Variants in KCNQ2 observed in about 807,000 individuals in gnomAD.
KCNQ2 encodes the protein potassium voltage-gated channel subfamily KQT member 2.
In KCNQ2, 14 loss-of-function variants were observed where a neutral mutation model predicts 84.8. The ratio of observed to expected loss-of-function variants is 0.17; its 90% CI spans 0.11 to 0.26. KCNQ2 has a LOEUF of 0.26. Ranked by LOEUF, KCNQ2 falls within the 10% of genes least tolerant of loss-of-function variation. KCNQ2 has a pLI of 1.00. For missense variants in KCNQ2, 788 were observed against 1,254.0 expected, an observed-to-expected ratio of 0.63 and a Z score of 5.61; for synonymous variants, 599 against 554.1, an observed-to-expected ratio of 1.08 and a Z score of -1.14.
chr20:63,466,537 C>T (rs1000026442), intron 1 of KCNQ2: 1 of 152,288 alleles, frequency 6.6e-6, no homozygotes, highest in African/African-American at 2.4e-5. Flanking sequence ...AGGCCTTCCA[C>T]TCTGCTGAAG....
intron 10 of KCNQ2, among the ~76,000 whole-genome samples, chr20:63,428,007 C>A (rs1418106350): frequency 6.6e-6 from 1 of 152,222 alleles, no homozygotes; most frequent in Non-Finnish European, 1.5e-5. Flanking sequence ...AGGCAGCAGG[C>A]GCCATCAGCA....
chr20:63,406,003 T>C lies in KCNQ2; in HGVS notation c.*641A>G, dbSNP rs2145477341. The stretch of plus-strand genomic sequence containing the variant: ...CAGGCGAAGGTCTCCACCTCGGGGC[T>C]GGCTTCCATGGAAAGAGCCCTCAGA... On this transcript the variant is annotated 3_prime_UTR_variant, in exon 17 of 17. Transcript: ENST00000359125. 1 of 152,370 alleles carries C rather than the reference T, an allele frequency of 6.6e-6. No homozygotes were observed. The highest frequency in any genetic ancestry group is 2.1e-4 in the South Asian group (1 of 4,828). The allele number at this position is 152,370 out of a possible 1,614,324, so 9.4% of individuals were successfully genotyped here.
intron 9 of KCNQ2, 136 bp downstream of exon 9, chr20:63,431,204 T>G: frequency 9.8e-7 from 1 of 1,024,670 alleles, no homozygotes; most frequent in Non-Finnish European, 1.5e-6. Flanking sequence ...GGCATAGGGA[T>G]GCTCGGTGGG....
chr20:63,414,814 G>C lies in KCNQ2; in HGVS notation c.1525+89C>G. 2 of 1,299,688 alleles carry C rather than the reference G, an allele frequency of 1.5e-6. No homozygotes were observed. Among genetic ancestry groups the C allele is most frequent in the East Asian group, 2.3e-5 (1 of 43,320 alleles). 80.5% of individuals were successfully genotyped at this position (1,299,688 alleles called of 1,614,324 possible). On this transcript the variant is annotated intron_variant, in intron 13 of 16. Transcript: ENST00000359125. The surrounding 1 kb of genome is among the most constrained non-coding windows in gnomAD (Gnocchi z 6.6). ...CCCACTCCAAGAGCAAGCAAAAGCA[G>C]CTGCGACGCCACAGGGTGGCCACAG...
In KCNQ2 at chr20:63,472,530, C is replaced by T. The variant is rs1228942777; in HGVS notation, c.-67G>A. 14 of 1,304,306 alleles carry T rather than the reference C, an allele frequency of 1.1e-5. No homozygotes were observed. Among genetic ancestry groups the T allele is most frequent in the Non-Finnish European group, 1.3e-5 (13 of 1,027,170 alleles). The allele number at this position is 1,304,306 out of a possible 1,614,324, so 80.8% of individuals were successfully genotyped here. On this transcript the variant is annotated 5_prime_UTR_variant, in exon 1 of 17. Transcript: ENST00000359125. ...CGGGGGCGGAGCGCGGGGGGCGGCGCGGGCCCCAGCCCAGGCCCCCCGGCC... is the reference window on the plus strand; with the variant it reads ...CGGGGGCGGAGCGCGGGGGGCGGCGTGGGCCCCAGCCCAGGCCCCCCGGCC...
At chr20:63,411,731 C>A in intron 15 of KCNQ2, 1 of 581,270 alleles carries the variant, frequency 1.7e-6, no homozygotes, top group South Asian at 2.1e-5. Context: ...AGCGAAGGGG[C>A]CGGCCATTCC....
chr20:63,442,860 C>G (rs1408607394), intron 4 of KCNQ2, among the ~76,000 whole-genome samples: 1 of 66,986 alleles, frequency 1.5e-5, no homozygotes, highest in Non-Finnish European at 3.1e-5. Flanking sequence ...ATCACCACCA[C>G]CATCACCATC....
chr20:63,437,798 G>A (rs770241958), intron 7 of KCNQ2, among the ~76,000 whole-genome samples: 4 of 152,136 alleles, frequency 2.6e-5, no homozygotes, highest in Admixed American at 6.5e-5. Flanking sequence ...AGGGGGTCCT[G>A]CTGTCTGTCC....
At position 63,472,485 on chromosome 20, in the gene KCNQ2, C is replaced by T. The variant is rs749900313; in HGVS notation, c.-22G>A. On this transcript the variant is annotated 5_prime_UTR_variant, in exon 1 of 17. Coordinates refer to ENST00000359125, the MANE Select transcript of KCNQ2 (RefSeq NM_172107.4). ...CCATGGTGCCTGGCGGGAGGCGCCCCGGGTCGGGCTCAGGCTCAGCGGGGG... is the reference window on the plus strand; with the variant it reads ...CCATGGTGCCTGGCGGGAGGCGCCCTGGGTCGGGCTCAGGCTCAGCGGGGG... 2.0e-6 allele frequency: 3 copies of T among 1,486,530 alleles called. No homozygotes were observed. Among genetic ancestry groups the T allele is most frequent in the South Asian group, 2.5e-5 (2 of 78,854 alleles). The allele number at this position is 1,486,530 out of a possible 1,614,324, so 92.1% of individuals were successfully genotyped here.
At chr20:63,427,998 G>A (rs1390780886) in intron 10 of KCNQ2, among the ~76,000 whole-genome samples, 1 of 152,240 alleles carries the variant, frequency 6.6e-6, no homozygotes, top group African/African-American at 2.4e-5. Context: ...CTGAAGGAGA[G>A]GCAGCAGGCG....
chr20:63,468,289 T>C (rs2082129991), intron 1 of KCNQ2, among the ~76,000 whole-genome samples: 1 of 152,126 alleles, frequency 6.6e-6, no homozygotes, highest in Non-Finnish European at 1.5e-5. Context: ...TCGAGTCTCT[T>C]TCTCGGCACA....
At chr20:63,420,639 C>T (rs982552152) in intron 11 of KCNQ2, among the ~76,000 whole-genome samples, 16 of 152,172 alleles carry the variant, frequency 1.1e-4, no homozygotes, top group African/African-American at 3.6e-4. Flanking sequence ...TGCACGCACC[C>T]GCAGGCAGCT....
chr20:63,461,011 A>G (rs1467488839), intron 1 of KCNQ2: 1 of 152,238 alleles, frequency 6.6e-6, no homozygotes, highest in African/African-American at 2.4e-5. Flanking sequence ...CCTGAATCCT[A>G]TTCTGTTTAG....
chr20:63,470,532 G>A (rs1274444501), intron 1 of KCNQ2, among the ~76,000 whole-genome samples: 7 of 152,200 alleles, frequency 4.6e-5, no homozygotes, highest in African/African-American at 9.7e-5. Flanking sequence ...GGCAGGGGGC[G>A]GCCATGCGGA....
At position 63,414,160 on chromosome 20, in the gene KCNQ2, T is replaced by C. The variant is rs748298686; in HGVS notation, c.1559A>G (p.Asp520Gly). Residue 520 changes from aspartate (D) to glycine (G), a missense_variant, in exon 14 of 17, where the codon GAC becomes GGC. Coordinates refer to ENST00000359125, the MANE Select transcript of KCNQ2 (RefSeq NM_172107.4). The surrounding 1 kb of genome is among the most constrained non-coding windows in gnomAD (Gnocchi z 6.6). ...ASLPGEDIVD[D>G]KSCPCEFVTE... is the part of the protein sequence containing the mutation. ...CACAAACTCGCAGGGGCAGCTCTTG[T>C]CATCCACAATGTCCTCTCCGGGGAG... 7.4e-6 allele frequency: 12 copies of C among 1,613,558 alleles called. No individual in the cohort carries two copies. Among genetic ancestry groups the C allele is most frequent in the Middle Eastern group, 1.6e-4 (1 of 6,082 alleles).
chr20:63,414,233 C>T lies in KCNQ2; in HGVS notation c.1526-40G>A, dbSNP rs372965061. On this transcript the variant is annotated intron_variant, in intron 13 of 16. Transcript: ENST00000359125. The surrounding 1 kb of genome is among the most constrained non-coding windows in gnomAD (Gnocchi z 6.6). ...ACAGGCCGTGAGGGGCCGAGGGGGC[C>T]GGGAGACCTATTCCCGGGGTCCTGC... 5.7e-5 allele frequency: 83 copies of T among 1,458,790 alleles called. No homozygotes were observed. Among genetic ancestry groups the T allele is most frequent in the East Asian group, 1.6e-4 (7 of 43,996 alleles). 90.4% of individuals were successfully genotyped at this position (1,458,790 alleles called of 1,614,324 possible).
intron 7 of KCNQ2, chr20:63,434,255 T>G: frequency 3.4e-6 from 1 of 297,648 alleles, no homozygotes. Flanking sequence ...GTTACCTTCC[T>G]GACCTCCTGG....
At chr20:63,437,395 A>G (rs1480679154) in intron 7 of KCNQ2, 1 of 152,184 alleles carries the variant, frequency 6.6e-6, no homozygotes, top group Non-Finnish European at 1.5e-5. Context: ...TTCTTCTTAA[A>G]ACTCTTGCCT....
chr20:63,427,093 G>T (rs890522040), intron 10 of KCNQ2, among the ~76,000 whole-genome samples: 3 of 152,164 alleles, frequency 2.0e-5, no homozygotes, highest in African/African-American at 7.2e-5. Flanking sequence ...GTAGTAGCAG[G>T]TGTCTGTAAT....
Sources: allele counts gnomAD v4.1 joint callset (sites outside exome capture counted in the v4.1 genomes callset), GRCh38; gene constraint gnomAD v4.1.1; non-coding constraint Gnocchi (gnomAD v3.1); transcripts MANE v1.5; gene names NCBI Gene and HGNC (gene_info 2026-07-23, HGNC 2026-07-21).